Variants in EIF6 observed in about 807,000 individuals in gnomAD.
EIF6 encodes B4 integrin interactor.
Under a neutral mutation model 25.5 loss-of-function variants are expected in EIF6, and 10 were observed. The observed-to-expected ratio is 0.39, with a 90% CI of 0.24 to 0.66. The LOEUF is 0.66. Among genes scored for constraint, EIF6 ranks in the 30% least tolerant of loss-of-function variants. EIF6 has a pLI of 0.45. For missense variants in EIF6, 246 were observed against 315.4 expected (o/e 0.78, Z 1.67); for synonymous variants, 122 against 122.6 (o/e 1.00, Z 0.03).
chr20:35,279,371 T>G (rs1317562231), intron 6 of EIF6, among the ~76,000 whole-genome samples, 165 bp from the exon 7 acceptor site: 1 of 152,204 alleles, frequency 6.6e-6, no homozygotes, highest in East Asian at 1.9e-4. Flanking sequence ...AGATGAGGAT[T>G]AGCAGATGCT....
chr20:35,281,756 A>C (rs1165314812), intron 3 of EIF6, among the ~76,000 whole-genome samples: 1 of 151,970 alleles, frequency 6.6e-6, no homozygotes, highest in Non-Finnish European at 1.5e-5. Context: ...AGAATGACTA[A>C]AATTTTTACA....
Position 35,279,064 on chromosome 20 carries a change from G to T in EIF6, c.*133C>A. ...CGATAAGCACAGGTGGAAAAGGGTTGGGTGCCCAGCCCCTCAGTCCCAGTG... is the reference window on the plus strand; with the variant it reads ...CGATAAGCACAGGTGGAAAAGGGTTTGGTGCCCAGCCCCTCAGTCCCAGTG... On this transcript the variant is annotated 3_prime_UTR_variant, in exon 7 of 7. Coordinates refer to ENST00000374450, the MANE Select transcript of EIF6 (RefSeq NM_002212.4). 1 of 1,128,290 alleles carries T rather than the reference G, an allele frequency of 8.9e-7. No homozygotes were observed. Among genetic ancestry groups the T allele is most frequent in the Non-Finnish European group, 1.3e-6 (1 of 756,448 alleles). The allele number at this position is 1,128,290 out of a possible 1,614,324, so 69.9% of individuals were successfully genotyped here.
intron 3 of EIF6, 66 bp from the exon 4 acceptor site, chr20:35,280,895 C>T (rs139723715): frequency 6.5e-7 from 1 of 1,543,462 alleles, no homozygotes; most frequent in African/African-American, 1.4e-5. Context: ...GCTGAGGATA[C>T]CACTCAGCCC....
rs1174505815 is a variant in EIF6 at position 35,284,250 on chromosome 20, C to T, written c.119G>A (p.Gly40Asp). 1.9e-6 allele frequency: 3 copies of T among 1,612,994 alleles called. No homozygotes were observed. Among genetic ancestry groups the T allele is most frequent in the East Asian group, 4.5e-5 (2 of 44,868 alleles). ...GSENFYSVFE[G>D]ELSDTIPVVH... ...CACGGGGATGGTATCGGAGAGCTCGCCCTCGAACACACTGTAGGGACATGG... is the reference window on the plus strand; with the variant it reads ...CACGGGGATGGTATCGGAGAGCTCGTCCTCGAACACACTGTAGGGACATGG... Residue 40 changes from glycine (G) to aspartate (D), a missense_variant, in exon 3 of 7, where the codon GGC (glycine) becomes GAC (aspartate). Coordinates refer to ENST00000374450, the MANE Select transcript of EIF6 (RefSeq NM_002212.4).
intron 2 of EIF6, 55 bp from the exon 3 acceptor site, chr20:35,284,316 T>A: frequency 6.2e-7 from 1 of 1,613,828 alleles, no homozygotes; most frequent in Non-Finnish European, 8.5e-7. Context: ...ACCCTCCCAC[T>A]GCCGGAGCTC....
intron 4 of EIF6, 81 bp from the exon 5 acceptor site, chr20:35,280,199 G>A (rs2146260982): frequency 6.7e-7 from 1 of 1,495,836 alleles, no homozygotes; most frequent in Non-Finnish European, 9.1e-7. Context: ...AAGCATCCAG[G>A]CCTTGGCTCC....
intron 6 of EIF6, 101 bp from the exon 7 acceptor site, chr20:35,279,307 G>A: frequency 6.7e-7 from 1 of 1,498,744 alleles, no homozygotes; most frequent in East Asian, 2.4e-5. Context: ...GACCAGCTCT[G>A]ACAAGCTGCT....
intron 1 of EIF6, 56 bp from the exon 2 acceptor site, chr20:35,284,548 G>A (rs894498239): frequency 2.6e-6 from 4 of 1,542,874 alleles, no homozygotes; most frequent in Admixed American, 3.6e-5. Flanking sequence ...CAAGTATCCC[G>A]GCCTCCGTCC....
At chr20:35,280,931 C>T in intron 3 of EIF6, 102 bp from the exon 4 acceptor site, 1 of 1,394,032 alleles carries the variant, frequency 7.2e-7, no homozygotes, top group East Asian at 2.5e-5. Flanking sequence ...CCCAGGAAAG[C>T]TTTAGGCCCA....
In EIF6 at chr20:35,279,040, G is replaced by A. The variant is rs976337105; in HGVS notation, c.*157C>T. 24 of 904,460 alleles carry A rather than the reference G, an allele frequency of 2.7e-5. No homozygotes were observed. The highest frequency in any genetic ancestry group is 4.3e-5 in the South Asian group (3 of 68,980). The allele number at this position is 904,460 out of a possible 1,614,324, so 56.0% of individuals were successfully genotyped here. ...TTTTGCAGTAATGATAGATCCAGGC[G>A]ATAAGCACAGGTGGAAAAGGGTTGG... is the stretch of plus-strand genomic sequence containing the variant. On this transcript the variant is annotated 3_prime_UTR_variant, in exon 7 of 7. Coordinates refer to ENST00000374450, the MANE Select transcript of EIF6 (RefSeq NM_002212.4).
chr20:35,279,917 G>A, intron 5 of EIF6, 25 bp downstream of exon 5: 1 of 1,608,134 alleles, frequency 6.2e-7, no homozygotes, highest in Non-Finnish European at 8.5e-7. Flanking sequence ...TCGGGAGACG[G>A]GGTTCAGAGG....
At chr20:35,279,771 G>T (rs561206626) in intron 5 of EIF6, 24 bp from the exon 6 acceptor site, 1 of 1,612,144 alleles carries the variant, frequency 6.2e-7, no homozygotes, top group Admixed American at 1.7e-5. Flanking sequence ...GGCTCAATGT[G>T]AGTCACGGCA....
chr20:35,279,869 T>C (rs2060757721), intron 5 of EIF6, 73 bp downstream of exon 5: 2 of 1,588,598 alleles, frequency 1.3e-6, no homozygotes, highest in Non-Finnish European at 1.7e-6. Flanking sequence ...TGGCAGGTAA[T>C]GACCCAGACT....
Position 35,284,413 on chromosome 20 carries a change from C to T in EIF6, c.75G>A (p.Leu25=), listed in dbSNP as rs772436651. 16 of 1,614,032 alleles carry T rather than the reference C, an allele frequency of 9.9e-6. No homozygotes were observed. In the South Asian group the frequency reaches 1.6e-4, roughly 17 times the overall value. ...CFAKLTNTYC[L]VAIGGSENFY... The stretch of plus-strand genomic sequence containing the variant: ...AGTTCTCTGAGCCTCCGATCGCTAC[C>T]AGACAGTAGGTGTTGGTGAGCTTGG... Residue 25 remains leucine (L), a synonymous_variant, in exon 2 of 7, where the codon CTG becomes CTA. Coordinates refer to ENST00000374450, the MANE Select transcript of EIF6 (RefSeq NM_002212.4).
rs200214373 is a variant in EIF6 at position 35,279,176 on chromosome 20, T to C, written c.*21A>G. ...GCCACAGTCCAGAGCCAGGAGCCCA[T>C]GGAACAACTTGGAAGGTGACTCAGG... On this transcript the variant is annotated 3_prime_UTR_variant, in exon 7 of 7. Transcript: ENST00000374450. 1.1e-5 allele frequency: 18 copies of C among 1,613,864 alleles called. No individual in the cohort carries two copies. The highest frequency in any genetic ancestry group is 2.2e-5 in the East Asian group (1 of 44,858).
Position 35,280,634 on chromosome 20 carries a change from G to T in EIF6, c.369+20C>A. On this transcript the variant is annotated intron_variant, in intron 4 of 6. Transcript: ENST00000374450. ...ACTAGGATGGCCCTGTGACTCTTGG[G>T]TCAAGTTGGGCTGCCTCACCCTGTC... 4 of 1,610,896 alleles carry T rather than the reference G, an allele frequency of 2.5e-6. No individual in the cohort carries two copies. The highest frequency in any genetic ancestry group is 3.4e-6 in the Non-Finnish European group (4 of 1,178,482).
chr20:35,279,542 G>T, intron 6 of EIF6, 24 bp downstream of exon 6: 1 of 1,612,230 alleles, frequency 6.2e-7, no homozygotes, highest in Non-Finnish European at 8.5e-7. Flanking sequence ...ACCCTGAGCA[G>T]AAGAAAGGAG....
chr20:35,279,661 G>T lies in EIF6; in HGVS notation c.633C>A (p.Thr211=). ...DWCAFCGLDT[T]STELSVVESV... is the part of the protein sequence containing the mutation. ...TCTCCACCACTGACAGCTCTGTGCTGGTTGTGTCCAGGCCACAGAAGGCAC... is the reference window on the plus strand; with the variant it reads ...TCTCCACCACTGACAGCTCTGTGCTTGTTGTGTCCAGGCCACAGAAGGCAC... The change falls in exon 6 of 7, where the codon ACC becomes ACA. Residue 211 remains threonine (T), a synonymous_variant. Transcript: ENST00000374450. 1 of 1,614,200 alleles carries T rather than the reference G, an allele frequency of 6.2e-7. No individual in the cohort carries two copies. The highest frequency in any genetic ancestry group is 8.5e-7 in the Non-Finnish European group (1 of 1,180,034).
In EIF6 at chr20:35,278,985, G is replaced by A. The variant is rs2060744380; in HGVS notation, c.*212C>T. The A allele has an allele frequency of 6.3e-6, 4 of 633,570 alleles. No individual in the cohort carries two copies. The highest frequency in any genetic ancestry group is 1.1e-5 in the Non-Finnish European group (4 of 358,192). 39.2% of individuals were successfully genotyped at this position (633,570 alleles called of 1,614,324 possible). ...GCAGAACCCTCAGCCAGCAGCCACAGGGCCTGCCAGCCAGCACAACAGAGC... is the reference window on the plus strand; with the variant it reads ...GCAGAACCCTCAGCCAGCAGCCACAAGGCCTGCCAGCCAGCACAACAGAGC... On this transcript the variant is annotated 3_prime_UTR_variant, in exon 7 of 7. Transcript: ENST00000374450.
Sources: allele counts gnomAD v4.1 joint callset (sites outside exome capture counted in the v4.1 genomes callset), GRCh38; gene constraint gnomAD v4.1.1; transcripts MANE v1.5; gene names NCBI Gene and HGNC (gene_info 2026-07-23, HGNC 2026-07-21).